TK1: variants seen among roughly 807,000 people sequenced by gnomAD.
The protein encoded by TK1 is thymidine kinase, cytosolic.
A neutral mutation model predicts 22.4 loss-of-function variants in TK1; 13 were observed. The observed-to-expected ratio is 0.58, with a 90% CI of 0.38 to 0.92. TK1 has a LOEUF of 0.92. TK1 is among the 40% of genes least tolerant of loss of function. TK1 has a pLI of 0.00. For synonymous variants in TK1, 134 were observed against 125.4 expected (o/e 1.07, Z -0.46); for missense variants, 251 against 315.7 (o/e 0.80, Z 1.55).
chr17:78,175,727 G>C, intron 4 of TK1, 109 bp from the exon 5 acceptor site: 1 of 958,782 alleles, frequency 1.0e-6, no homozygotes, highest in Non-Finnish European at 1.6e-6. Flanking sequence ...CATTTGGCCC[G>C]GAGTAACTCT....
chr17:78,176,101 G>A (rs542192183), intron 4 of TK1, among the ~76,000 whole-genome samples: 12 of 152,300 alleles, frequency 7.9e-5, no homozygotes, highest in African/African-American at 2.4e-4. Context: ...ATAGGTGGGC[G>A]CTTTGTGCTC....
At chr17:78,185,525 TTTTC>T (rs139602763) in intron 2 of TK1, among the ~76,000 whole-genome samples, 19,904 of 151,778 alleles carry the variant, frequency 0.13, 2,197 homozygotes, top group African/African-American at 0.27. Context: ...AGTTCAGAGT[TTTTC>T]TTTCTTTCTT....
intron 3 of TK1, among the ~76,000 whole-genome samples, chr17:78,184,360 A>G (rs1414678203): frequency 6.6e-5 from 10 of 152,328 alleles, no homozygotes; most frequent in Non-Finnish European, 1.2e-4. Context: ...GTGGCACAGC[A>G]TGGCTTTGCC....
At chr17:78,180,549 T>C (rs763185530) in intron 4 of TK1, among the ~76,000 whole-genome samples, 31 of 152,132 alleles carry the variant, frequency 2.0e-4, no homozygotes, top group Admixed American at 8.5e-4. Context: ...CCTGAGGAAA[T>C]AGAAAAATCT....
At chr17:78,176,307 A>C (rs766281705) in intron 4 of TK1, among the ~76,000 whole-genome samples, 4 of 151,946 alleles carry the variant, frequency 2.6e-5, no homozygotes, top group Admixed American at 6.6e-5. Flanking sequence ...GATTCTCATC[A>C]ATCAATCATA....
intron 3 of TK1, among the ~76,000 whole-genome samples, chr17:78,183,992 G>A (rs2075759832): frequency 6.6e-6 from 1 of 152,208 alleles, no homozygotes; most frequent in Non-Finnish European, 1.5e-5. Flanking sequence ...TTTAATCCCG[G>A]ATCTGACTGA....
chr17:78,187,120 T>C, upstream of TK1: 1 of 1,137,790 alleles, frequency 8.8e-7, no homozygotes, highest in South Asian at 1.3e-5. Context: ...CCCGCCGCCA[T>C]GGGGCCAATC....
At position 78,175,170 on chromosome 17, in the gene TK1, C is replaced by T; in HGVS notation, c.394-1G>A. ...CCAGGTTCAGGATGGCCCCAAATGG[C>T]TGCGCTCCCATGGAAAGACAGAGGG... is the stretch of plus-strand genomic sequence containing the variant. On this transcript the variant is annotated splice_acceptor_variant, in intron 5 of 6. Coordinates refer to ENST00000301634, the MANE Select transcript of TK1 (RefSeq NM_003258.5). LOFTEE classifies it high-confidence loss of function. 1.9e-6 allele frequency: 3 copies of T among 1,599,630 alleles called. No homozygotes were observed. Among genetic ancestry groups the T allele is most frequent in the South Asian group, 1.1e-5 (1 of 90,528 alleles).
intron 2 of TK1, 48 bp from the exon 3 acceptor site, chr17:78,185,213 GAGA>G (rs757202509): frequency 4.8e-6 from 7 of 1,472,336 alleles, no homozygotes; most frequent in South Asian, 2.3e-5. Context: ...GGAGGAGTGG[GAGA>G]AGGAGACCCC....
At position 78,175,574 on chromosome 17, in the gene TK1, C is replaced by G; in HGVS notation, c.348G>C (p.Gly116=). Residue 116 remains glycine, a synonymous_variant, in exon 5 of 7, where the codon GGG becomes GGC. Transcript: ENST00000301634. ...CCAGTGCAGCCACAATTACGGTCTTCCCGGCGTTGGCCATGGCCTCGCAGA... is the reference window on the plus strand; with the variant it reads ...CCAGTGCAGCCACAATTACGGTCTTGCCGGCGTTGGCCATGGCCTCGCAGA... ...VEFCEAMANA[G]KTVIVAALDG... is the part of the protein sequence containing the mutation. 1 of 1,613,824 alleles carries G rather than the reference C, an allele frequency of 6.2e-7. No individual in the cohort carries two copies. The highest frequency in any genetic ancestry group is 8.5e-7 in the Non-Finnish European group (1 of 1,179,870).
At chr17:78,183,514 G>C (rs948018740) in intron 3 of TK1, among the ~76,000 whole-genome samples, 4 of 152,078 alleles carry the variant, frequency 2.6e-5, no homozygotes, top group Non-Finnish European at 5.9e-5. Context: ...GTAACACAGC[G>C]AGACACTGTG....
At chr17:78,178,308 G>A (rs571843944) in intron 4 of TK1, among the ~76,000 whole-genome samples, 2 of 152,354 alleles carry the variant, frequency 1.3e-5, no homozygotes, top group South Asian at 4.1e-4. Context: ...CCCCAGCTAG[G>A]AGCTTCAGGT....
rs763864866 is a variant in TK1, at chr17:78,182,612, T to C, written c.280A>G (p.Ile94Val). The C allele has an allele frequency of 1.9e-6, 3 of 1,593,244 alleles. No homozygotes were observed. The South Asian group carries it at 3.4e-5, about 18-fold the overall frequency. ...ACAAACTGCCCCTCGTCGATGCCTA[T>C]GACAGCCACGCCCAGGGCCTCCTGG... ...VAQEALGVAVIGIDEGQFFPD... is the reference protein window; with the variant it reads ...VAQEALGVAVVGIDEGQFFPD... Residue 94 changes from isoleucine to valine, a missense_variant, in exon 4 of 7, where the codon ATA becomes GTA. Coordinates refer to ENST00000301634, the MANE Select transcript of TK1 (RefSeq NM_003258.5).
intron 4 of TK1, among the ~76,000 whole-genome samples, chr17:78,180,654 AT>A: frequency 6.6e-6 from 1 of 152,342 alleles, no homozygotes; most frequent in East Asian, 1.9e-4. Flanking sequence ...AAAACGGAGC[AT>A]GATGAATTAG....
upstream of TK1, chr17:78,187,067 C>T (rs1356754784): frequency 6.6e-7 from 1 of 1,507,166 alleles, no homozygotes; most frequent in Middle Eastern, 1.7e-4. Context: ...GTTCCCGCGC[C>T]GACCGCTTTA....
chr17:78,178,241 C>G (rs1351235160), intron 4 of TK1, among the ~76,000 whole-genome samples: 2 of 152,228 alleles, frequency 1.3e-5, no homozygotes, highest in African/African-American at 4.8e-5. Context: ...CCACCACACA[C>G]TGTGCAGCTG....
At chr17:78,184,834 C>T (rs1387534867) in intron 3 of TK1, among the ~76,000 whole-genome samples, 1 of 152,126 alleles carries the variant, frequency 6.6e-6, no homozygotes, top group Non-Finnish European at 1.5e-5. Flanking sequence ...CAAACATTGT[C>T]AAATGGACCC....
intron 4 of TK1, among the ~76,000 whole-genome samples, chr17:78,181,266 G>A (rs533508903): frequency 6.6e-6 from 1 of 151,690 alleles, no homozygotes; most frequent in Non-Finnish European, 1.5e-5. Context: ...AAATTAAAAA[G>A]GCCGGGCACG....
chr17:78,186,695 G>GAGGGGAGGGA lies in TK1; in HGVS notation c.98+91_98+92insTCCCTCCCCT. On this transcript the variant is annotated intron_variant, in intron 2 of 6. Transcript: ENST00000301634. Reference sequence around the variant, plus strand: ...AAGGGGAGGGAAGGGAAGGGGAGGGGAGGGGAGGGGAGGGAAGGGGAGGGG... The same window carrying GAGGGGAGGGA: ...AAGGGGAGGGAAGGGAAGGGGAGGGGAGGGGAGGGAAGGGGAGGGGAGGGAAGGGGAGGGG... 8 of 1,096,500 alleles carry GAGGGGAGGGA rather than the reference G, an allele frequency of 7.3e-6. No individual in the cohort carries two copies. In the Admixed American group the frequency reaches 8.7e-5, roughly 12 times the overall value. 67.9% of individuals were successfully genotyped at this position (1,096,500 alleles called of 1,614,324 possible).
Sources: gnomAD v4.1 joint callset for allele counts (sites outside exome capture counted in the v4.1 genomes callset) on GRCh38, gnomAD v4.1.1 for gene constraint, MANE v1.5 for transcripts, NCBI Gene and HGNC (gene_info 2026-07-23, HGNC 2026-07-21) for gene names.